DENND2C: variants seen among roughly 807,000 people sequenced by gnomAD.
DENND2C encodes DENN domain containing 2C.
A neutral mutation model predicts 112.4 loss-of-function variants in DENND2C; 72 were observed. That is an observed-to-expected ratio of 0.64 (90% CI 0.53 to 0.78). DENND2C has a LOEUF of 0.78. Among genes scored for constraint, DENND2C ranks in the 30% least tolerant of loss-of-function variants. DENND2C has a pLI of 0.00. For synonymous variants in DENND2C, 329 were observed against 381.6 expected, an observed-to-expected ratio of 0.86 and a Z score of 1.61; for missense variants, 992 against 1,113.8, an observed-to-expected ratio of 0.89 and a Z score of 1.56.
In DENND2C at chr1:114,626,044, G is replaced by C. The variant is rs143083773; in HGVS notation, c.-60C>G. 7.0e-7 allele frequency: 1 copy of C among 1,419,312 alleles called. No homozygotes were observed. The highest frequency in any genetic ancestry group is 9.6e-7 in the Non-Finnish European group (1 of 1,039,750). The allele number at this position is 1,419,312 out of a possible 1,614,324, so 87.9% of individuals were successfully genotyped here. A position where few individuals can be genotyped will look rare whatever the true frequency, so the allele number is the denominator to read the frequency against. On this transcript the variant is annotated 5_prime_UTR_variant, in exon 4 of 21. Transcript: ENST00000393274. ...TACAAAGGTTCCATTACAAGTAAAT[G>C]TGAAATATTGTATTCTTTATCCTGT...
chr1:114,647,362 T>A (rs941517022), intron 2 of DENND2C, among the ~76,000 whole-genome samples: 1 of 151,802 alleles, frequency 6.6e-6, no homozygotes, highest in Non-Finnish European at 1.5e-5. Flanking sequence ...CAATGTGATT[T>A]TTTTTTTTTT....
chr1:114,613,571 A>C (rs1014738727), intron 8 of DENND2C, among the ~76,000 whole-genome samples: 1 of 152,198 alleles, frequency 6.6e-6, no homozygotes, highest in South Asian at 2.1e-4. Context: ...AGAAATAAAC[A>C]CTGTGAGCTC....
chr1:114,608,106 G>A (rs1360943937), intron 10 of DENND2C, among the ~76,000 whole-genome samples: 2 of 151,976 alleles, frequency 1.3e-5, no homozygotes, highest in African/African-American at 4.8e-5. Context: ...GTGAAACCCT[G>A]TCTCTACTAA....
chr1:114,664,470 T>G (rs1657593863), intron 1 of DENND2C, among the ~76,000 whole-genome samples: 1 of 151,788 alleles, frequency 6.6e-6, no homozygotes, highest in South Asian at 2.1e-4. Context: ...AATTTATGTA[T>G]TTATTTATTT....
Position 114,625,246 on chromosome 1 carries a change from A to G in DENND2C, c.739T>C (p.Ser247Pro), listed in dbSNP as rs750350636. 5.0e-6 allele frequency: 8 copies of G among 1,614,092 alleles called. No individual in the cohort carries two copies. Among genetic ancestry groups the G allele is most frequent in the Non-Finnish European group, 6.8e-6 (8 of 1,180,002 alleles). ...TCAGGTTCCTGAGAAGAGGCCAAAG[A>G]AGATTGTGCACAAGAGTTATTTTCA... Reference protein sequence around the residue: ...YCENNSCAQSSLASSQEPEPK... With the variant: ...YCENNSCAQSPLASSQEPEPK... The change falls in exon 4 of 21, where the codon TCT becomes CCT. Residue 247 changes from serine (S) to proline (P), a missense_variant. By Grantham distance (74) the Ser-to-Pro change is moderately conservative (BLOSUM62 -1). Coordinates refer to ENST00000393274, the MANE Select transcript of DENND2C (RefSeq NM_001256404.2).
intron 3 of DENND2C, among the ~76,000 whole-genome samples, chr1:114,641,665 G>GTCC (rs1437918544): frequency 2.0e-5 from 3 of 151,964 alleles, no homozygotes; most frequent in Admixed American, 2.0e-4. Flanking sequence ...AAGATGCTAG[G>GTCC]GTCATGCTTC....
intron 8 of DENND2C, among the ~76,000 whole-genome samples, chr1:114,617,587 G>A (rs895154424): frequency 6.6e-6 from 1 of 151,836 alleles, no homozygotes; most frequent in African/African-American, 2.4e-5. Context: ...GATTACAGGC[G>A]TAAGCCACCA....
rs544249025 is a variant in DENND2C at position 114,662,886 on chromosome 1, G to A, written c.-574+7097C>T. 3.3e-5 allele frequency among the ~76,000 whole-genome samples: 5 copies of A among 152,266 alleles called. No homozygotes were observed. The South Asian group carries it at 1.0e-3, about 32-fold the overall frequency. Reference sequence around the variant, plus strand: ...GAGGTGGAGGGATCGTGTGAGCCCAGGGGTTGGAGGCTGCAGTGAACTATG... The same window carrying A: ...GAGGTGGAGGGATCGTGTGAGCCCAAGGGTTGGAGGCTGCAGTGAACTATG... On this transcript the variant is annotated intron_variant, in intron 1 of 20. Coordinates refer to ENST00000393274, the MANE Select transcript of DENND2C (RefSeq NM_001256404.2).
chr1:114,602,862 C>T (rs1655551819), intron 11 of DENND2C, among the ~76,000 whole-genome samples: 1 of 152,114 alleles, frequency 6.6e-6, no homozygotes, highest in Non-Finnish European at 1.5e-5. Context: ...CTGTGCCTGG[C>T]CTTATTTTCC....
intron 3 of DENND2C, among the ~76,000 whole-genome samples, chr1:114,633,534 A>T (rs1223210039): frequency 6.6e-6 from 1 of 151,744 alleles, no homozygotes; most frequent in African/African-American, 2.4e-5. Flanking sequence ...ATATGATATG[A>T]AGTGGTACTT....
chr1:114,623,750 T>A, intron 4 of DENND2C, 107 bp from the exon 5 acceptor site: 1 of 1,010,242 alleles, frequency 9.9e-7, no homozygotes, highest in East Asian at 2.9e-5. Context: ...TATTATTATT[T>A]TTTGAGACAG....
intron 1 of DENND2C, among the ~76,000 whole-genome samples, chr1:114,662,572 T>C (rs1421479419): frequency 6.6e-6 from 1 of 151,960 alleles, no homozygotes; most frequent in Non-Finnish European, 1.5e-5. Context: ...ATAAATGGAT[T>C]AATATTGCCA....
At chr1:114,640,955 A>T (rs1224126383) in intron 3 of DENND2C, among the ~76,000 whole-genome samples, 2 of 152,160 alleles carry the variant, frequency 1.3e-5, no homozygotes, top group African/African-American at 4.8e-5. Flanking sequence ...AATTTGTCTC[A>T]ATTTATTGCT....
intron 2 of DENND2C, among the ~76,000 whole-genome samples, chr1:114,652,329 T>C (rs1340113910): frequency 6.6e-6 from 1 of 152,208 alleles, no homozygotes; most frequent in Non-Finnish European, 1.5e-5. Flanking sequence ...TACATCTATA[T>C]ACAAGCCCTC....
At chr1:114,626,664 C>A (rs978540163) in intron 3 of DENND2C, among the ~76,000 whole-genome samples, 4 of 151,874 alleles carry the variant, frequency 2.6e-5, no homozygotes, top group Non-Finnish European at 5.9e-5. Context: ...GTACATGCCA[C>A]CACACCCAAC....
intron 3 of DENND2C, among the ~76,000 whole-genome samples, chr1:114,641,858 A>G (rs920946477): frequency 6.6e-6 from 1 of 152,122 alleles, no homozygotes; most frequent in African/African-American, 2.4e-5. Context: ...TAGGTACACA[A>G]AACTTGTGTT....
At chr1:114,601,704 C>T in intron 12 of DENND2C, 119 bp from the exon 13 acceptor site, 1 of 807,342 alleles carries the variant, frequency 1.2e-6, no homozygotes, top group Non-Finnish European at 2.0e-6. Context: ...CCAAGGCTCT[C>T]ATCTTTAGTG....
At chr1:114,590,963 G>T (rs1655173675) in intron 18 of DENND2C, among the ~76,000 whole-genome samples, 1 of 151,612 alleles carries the variant, frequency 6.6e-6, no homozygotes, top group African/African-American at 2.4e-5. Context: ...ACTTGATATT[G>T]TCAGACTTAA....
chr1:114,656,671 C>T (rs1481616707), intron 1 of DENND2C, among the ~76,000 whole-genome samples: 3 of 152,130 alleles, frequency 2.0e-5, no homozygotes, highest in Admixed American at 6.6e-5. Flanking sequence ...GCTGGGATTA[C>T]AGGCATGAGC....
Sources: gnomAD v4.1 joint callset for allele counts (sites outside exome capture counted in the v4.1 genomes callset) on GRCh38, gnomAD v4.1.1 for gene constraint, MANE v1.5 for transcripts, NCBI Gene and HGNC (gene_info 2026-07-23, HGNC 2026-07-21) for gene names.